Variants in TXNRD3 observed in about 807,000 individuals in gnomAD.
The protein encoded by TXNRD3 is TXNRD3 neighbor gene protein.
TXNRD3 carries 68 observed loss-of-function variants against 78.2 expected under a neutral mutation model. The observed-to-expected ratio is 0.87, with a 90% CI of 0.72 to 1.06. TXNRD3 has a LOEUF of 1.06. Ranked by LOEUF, TXNRD3 falls within the 50% of genes least tolerant of loss-of-function variation. The pLI is 0.00. For missense variants in TXNRD3, 751 were observed against 809.5 expected (o/e 0.93, Z 0.88); for synonymous variants, 296 against 300.1 (o/e 0.99, Z 0.14).
chr3:126,615,517 C>G (rs1232963029), intron 12 of TXNRD3, 55 bp from the exon 13 acceptor site: 1 of 875,470 alleles, frequency 1.1e-6, no homozygotes, highest in Non-Finnish European at 1.7e-6. Flanking sequence ...TAGCAAAAAT[C>G]TATATTGCAT....
chr3:126,651,230 T>C (rs1446076519), intron 1 of TXNRD3, among the ~76,000 whole-genome samples: 1 of 152,170 alleles, frequency 6.6e-6, no homozygotes. Flanking sequence ...GAAAGCAGGC[T>C]ACTCAGTCAA....
Position 126,607,701 on chromosome 3 carries a change from C to T in TXNRD3, c.*204G>A. 1 of 369,866 alleles carries T rather than the reference C, an allele frequency of 2.7e-6. No individual in the cohort carries two copies. The highest frequency in any genetic ancestry group is 1.4e-4 in the South Asian group (1 of 7,274). 22.9% of individuals were successfully genotyped at this position (369,866 alleles called of 1,614,324 possible). A position where few individuals can be genotyped will look rare whatever the true frequency, so the allele number is the denominator to read the frequency against. On this transcript the variant is annotated 3_prime_UTR_variant, in exon 16 of 16. Transcript: ENST00000524230. The stretch of plus-strand genomic sequence containing the variant: ...CGTCAAGGAAGCAGTCCCACTGCTT[C>T]TCGCTGTCAGCAAGACCACAAGGCA...
Position 126,634,639 on chromosome 3 carries a change from G to A in TXNRD3, c.713-588C>T, listed in dbSNP as rs141110341. On this transcript the variant is annotated intron_variant, in intron 6 of 15. Coordinates refer to ENST00000524230, the MANE Select transcript of TXNRD3 (RefSeq NM_052883.3). Reference sequence around the variant, plus strand: ...CAGGATTCGGGTGTTGGAATTCCACGTCATCCCTGTATCTTCTAGGTGGGA... The same window carrying A: ...CAGGATTCGGGTGTTGGAATTCCACATCATCCCTGTATCTTCTAGGTGGGA... Among the ~76,000 whole-genome samples the A allele has an allele frequency of 1.8e-3, 272 of 152,232 alleles. 1 individual carries two copies. Among genetic ancestry groups the A allele is most frequent in the African/African-American group, 4.9e-3 (205 of 41,532 alleles).
In TXNRD3 at chr3:126,607,822, G is replaced by A. The variant is rs765419866; in HGVS notation, c.*83C>T. The A allele has an allele frequency of 2.9e-5, 35 of 1,192,444 alleles. No individual in the cohort carries two copies. Among genetic ancestry groups the A allele is most frequent in the Non-Finnish European group, 3.7e-5 (32 of 862,994 alleles). The allele number at this position is 1,192,444 out of a possible 1,614,324, so 73.9% of individuals were successfully genotyped here. A position where few individuals can be genotyped will look rare whatever the true frequency, so the allele number is the denominator to read the frequency against. On this transcript the variant is annotated 3_prime_UTR_variant, in exon 16 of 16. Coordinates refer to ENST00000524230, the MANE Select transcript of TXNRD3 (RefSeq NM_052883.3). ...CCCTGAGTAACAGAGCAGCTGTCAT[G>A]AGCACAGGCTCATTTTATCCGAGAG...
chr3:126,622,673 C>T, intron 10 of TXNRD3, 133 bp from the exon 11 acceptor site: 1 of 663,458 alleles, frequency 1.5e-6, no homozygotes, highest in Non-Finnish European at 2.4e-6. Flanking sequence ...ATAAAGCTGA[C>T]AGCTTAAGGT....
chr3:126,612,961 A>G (rs919494652), intron 13 of TXNRD3, among the ~76,000 whole-genome samples: 2 of 152,134 alleles, frequency 1.3e-5, no homozygotes, highest in African/African-American at 2.4e-5. Context: ...ATTCTGTTCT[A>G]CTGATCTTGC....
chr3:126,627,220 A>G (rs1195939321), intron 10 of TXNRD3, among the ~76,000 whole-genome samples: 1 of 152,250 alleles, frequency 6.6e-6, no homozygotes, highest in Non-Finnish European at 1.5e-5. Flanking sequence ...AATAAAATCT[A>G]TACGATAAAA....
At chr3:126,638,468 T>C (rs1434167944) in intron 6 of TXNRD3, among the ~76,000 whole-genome samples, 1 of 152,188 alleles carries the variant, frequency 6.6e-6, no homozygotes, top group Non-Finnish European at 1.5e-5. Context: ...GCACGGTGGC[T>C]CATGTCTGCA....
At chr3:126,654,605 G>C (rs1300302177) in intron 1 of TXNRD3, 143 bp downstream of exon 1, 2 of 355,726 alleles carry the variant, frequency 5.6e-6, no homozygotes, top group Non-Finnish European at 9.1e-6. Flanking sequence ...GGGGACGACC[G>C]GGGAGAGGAG....
At chr3:126,624,437 T>C (rs1224368474) in intron 10 of TXNRD3, among the ~76,000 whole-genome samples, 1 of 151,870 alleles carries the variant, frequency 6.6e-6, no homozygotes, top group Non-Finnish European at 1.5e-5. Context: ...TTTTTTTTTT[T>C]TGAGATGGAG....
intron 6 of TXNRD3, among the ~76,000 whole-genome samples, chr3:126,637,847 T>C (rs2107622332): frequency 6.6e-6 from 1 of 151,790 alleles, no homozygotes; most frequent in East Asian, 1.9e-4. Flanking sequence ...CCTTTCTTTT[T>C]AAACTTTCAC....
chr3:126,643,170 C>T (rs1933136003), intron 5 of TXNRD3, among the ~76,000 whole-genome samples: 1 of 152,194 alleles, frequency 6.6e-6, no homozygotes, highest in Non-Finnish European at 1.5e-5. Flanking sequence ...TTCCTCTGCC[C>T]TCTTCCCCTT....
At chr3:126,613,518 C>G (rs1938242382) in intron 13 of TXNRD3, among the ~76,000 whole-genome samples, 1 of 152,228 alleles carries the variant, frequency 6.6e-6, no homozygotes, top group Non-Finnish European at 1.5e-5. Flanking sequence ...CAAAATGGAT[C>G]ACAGATCTAA....
Position 126,631,990 on chromosome 3 carries a change from C to A in TXNRD3, c.856-111G>T. ...CTTCTCATTCAACAGCAACAGCAGA[C>A]ATGTGAAAAAGTAATAATGCAATGT... On this transcript the variant is annotated intron_variant, in intron 7 of 15. Transcript: ENST00000524230. The A allele has an allele frequency of 1.5e-6, 1 of 682,376 alleles. No individual in the cohort carries two copies. The highest frequency in any genetic ancestry group is 2.6e-5 in the Admixed American group (1 of 38,718). 42.3% of individuals were successfully genotyped at this position (682,376 alleles called of 1,614,324 possible).
At chr3:126,640,095 T>TATCTCAGTGAACAGTA (rs1275221853) in intron 6 of TXNRD3, among the ~76,000 whole-genome samples, 224 of 8,194 alleles carry the variant, frequency 0.027, 49 homozygotes, top group Middle Eastern at 0.17. Context: ...TTGTGTTTTC[T>TATCTCAGTGAACAGTA]TTTTTTTTTT....
At chr3:126,642,229 G>A in intron 5 of TXNRD3, 78 bp from the exon 6 acceptor site, 1 of 1,428,720 alleles carries the variant, frequency 7.0e-7, no homozygotes, top group Non-Finnish European at 9.2e-7. Flanking sequence ...ATTAAAACAT[G>A]TGGAAATGAC....
intron 2 of TXNRD3, among the ~76,000 whole-genome samples, chr3:126,646,869 T>G (rs1330365124): frequency 1.3e-5 from 2 of 152,190 alleles, no homozygotes; most frequent in Non-Finnish European, 2.9e-5. Flanking sequence ...GCTAAAAACT[T>G]AATGCACTCT....
Position 126,644,355 on chromosome 3 carries a change from G to GCCGAAGCT in TXNRD3, c.460_461insAGCTTCGG (p.Ala154GlufsTer35). ...GATGATGATGAGATCATAATCATAT[G>GCCGAAGCT]CCAAATCTTCCTGAAGGAGCTTCTG... On this transcript the variant is annotated frameshift_variant, in exon 4 of 16. Transcript: ENST00000524230. LOFTEE classifies it high-confidence loss of function. 6.5e-7 allele frequency: 1 copy of GCCGAAGCT among 1,536,294 alleles called. No homozygotes were observed. Among genetic ancestry groups the GCCGAAGCT allele is most frequent in the Non-Finnish European group, 8.7e-7 (1 of 1,146,938 alleles).
At chr3:126,650,302 A>G (rs1011651536) in intron 1 of TXNRD3, among the ~76,000 whole-genome samples, 1 of 152,204 alleles carries the variant, frequency 6.6e-6, no homozygotes, top group African/African-American at 2.4e-5. Flanking sequence ...GCGTGAGATG[A>G]CTTTTCTTTG....
Sources: allele counts gnomAD v4.1 joint callset (sites outside exome capture counted in the v4.1 genomes callset), GRCh38; gene constraint gnomAD v4.1.1; transcripts MANE v1.5; gene names NCBI Gene and HGNC (gene_info 2026-07-23, HGNC 2026-07-21).